The following DIPK1B variants were observed in gnomAD, a reference collection of about 807,000 sequenced individuals.
DIPK1B encodes the protein divergent protein kinase domain 1B.
In DIPK1B, 17 loss-of-function variants were observed where a neutral mutation model predicts 20.7. The observed-to-expected ratio is 0.82, with a 90% CI of 0.56 to 1.23. The LOEUF (loss-of-function observed/expected upper bound fraction) is 1.23. Among genes scored for constraint, DIPK1B ranks in the 50% most tolerant of loss-of-function variants. The pLI is 0.00. For missense variants in DIPK1B, 648 were observed against 601.8 expected (o/e 1.08, Z -0.80); for synonymous variants, 343 against 276.5 (o/e 1.24, Z -2.39).
At chr9:136,715,780 C>A (rs1846488041) in intron 1 of DIPK1B, among the ~76,000 whole-genome samples, 1 of 152,132 alleles carries the variant, frequency 6.6e-6, no homozygotes, top group South Asian at 2.1e-4. Context: ...TCCCAAAGTT[C>A]TGGGATTACA....
Position 136,723,115 on chromosome 9 carries a change from CAGG to C in DIPK1B, c.640_642del (p.Glu214del), listed in dbSNP as rs747935587. The C allele has an allele frequency of 7.3e-5, 118 of 1,613,600 alleles. No homozygotes were observed. In the East Asian group the frequency reaches 1.8e-3, roughly 24 times the overall value. ...CGAGTTCCTGCTGCTGCTGTCCCTG[CAGG>C]AGAAGGAGCACGCCTCCAGACTGCT... On this transcript the variant is annotated inframe_deletion, in exon 5 of 5. Coordinates refer to ENST00000371692, the MANE Select transcript of DIPK1B (RefSeq NM_152421.4).
rs1846650760 is a variant in DIPK1B at position 136,723,456 on chromosome 9, C to T, written c.978C>T (p.Arg326=). ...LQQVAPEATV[R]RFLQGRRCEH... is the part of the protein sequence containing the mutation. ...AGGTGGCACCCGAGGCCACCGTGCG[C>T]CGCTTCCTGCAGGGCCGCCGCTGCG... The change falls in exon 5 of 5, where the codon CGC becomes CGT. Residue 326 remains arginine, a synonymous_variant. Transcript: ENST00000371692. 6.2e-7 allele frequency: 1 copy of T among 1,611,116 alleles called. No individual in the cohort carries two copies. The highest frequency in any genetic ancestry group is 8.5e-7 in the Non-Finnish European group (1 of 1,179,134).
intron 2 of DIPK1B, 52 bp from the exon 3 acceptor site, chr9:136,721,853 GTGGGCAGGGGCTCAGT>G (rs1290523996): frequency 9.6e-6 from 14 of 1,463,114 alleles, no homozygotes; most frequent in Middle Eastern, 2.4e-4. Flanking sequence ...CTTCGGGCCT[GTGGGCAGGGGCTCAGT>G]GGGGCAGGGG....
chr9:136,717,889 G>C (rs1214369530), intron 2 of DIPK1B, among the ~76,000 whole-genome samples, 178 bp downstream of exon 2: 1 of 151,866 alleles, frequency 6.6e-6, no homozygotes, highest in African/African-American at 2.4e-5. Context: ...GGGTCCAGGG[G>C]AGGACGGGGG....
chr9:136,720,477 C>G (rs4880132), intron 2 of DIPK1B, among the ~76,000 whole-genome samples: 83,849 of 149,180 alleles, frequency 0.56, 24,477 homozygotes, highest in East Asian at 0.81. Context: ...TTCTCCCCCC[C>G]CCAGAGGGGC....
At chr9:136,720,266 C>A (rs1302157606) in intron 2 of DIPK1B, among the ~76,000 whole-genome samples, 2 of 152,186 alleles carry the variant, frequency 1.3e-5, no homozygotes, top group Non-Finnish European at 2.9e-5. Flanking sequence ...GGGACAGACG[C>A]TGCCTTCATG....
chr9:136,718,971 G>A, intron 2 of DIPK1B, among the ~76,000 whole-genome samples: 1 of 152,112 alleles, frequency 6.6e-6, no homozygotes, highest in Non-Finnish European at 1.5e-5. Flanking sequence ...CCTGGACCAG[G>A]CCTTGCTCAC....
In DIPK1B at chr9:136,723,478, T is replaced by C. The variant is rs745624797; in HGVS notation, c.1000T>C (p.Cys334Arg). ...GCGCCGCTTCCTGCAGGGCCGCCGCTGCGAGCACAGCACCGACTGCACCTA... is the reference window on the plus strand; with the variant it reads ...GCGCCGCTTCCTGCAGGGCCGCCGCCGCGAGCACAGCACCGACTGCACCTA... ...TVRRFLQGRR[C>R]EHSTDCTYGR... is the part of the protein sequence containing the mutation. The change falls in exon 5 of 5, where the codon TGC (cysteine) becomes CGC (arginine). Residue 334 changes from cysteine (C) to arginine (R), a missense_variant. By Grantham distance (180) the Cys-to-Arg change is radical (BLOSUM62 -3). Coordinates refer to ENST00000371692, the MANE Select transcript of DIPK1B (RefSeq NM_152421.4). The C allele has an allele frequency of 1.2e-6, 2 of 1,610,516 alleles. No homozygotes were observed. The highest frequency in any genetic ancestry group is 1.7e-6 in the Non-Finnish European group (2 of 1,178,674).
intron 1 of DIPK1B, among the ~76,000 whole-genome samples, chr9:136,713,090 G>T (rs535629246): frequency 6.6e-6 from 1 of 152,226 alleles, no homozygotes; most frequent in South Asian, 2.1e-4. Flanking sequence ...GCACAGAAAC[G>T]CCCTGGCAAG....
Position 136,717,607 on chromosome 9 carries a change from A to C in DIPK1B, c.94A>C (p.Ile32Leu). ...GCTCCCAGGCCTCAGGGTCCGCTGC[A>C]TCTTCCTGGCCTGGCTGGGCGTCTT... ...GRLPGLRVRC[I>L]FLAWLGVFAG... Residue 32 changes from isoleucine (I) to leucine (L), a missense_variant, in exon 2 of 5, where the codon ATC becomes CTC. Coordinates refer to ENST00000371692, the MANE Select transcript of DIPK1B (RefSeq NM_152421.4). 1 of 1,602,556 alleles carries C rather than the reference A, an allele frequency of 6.2e-7. No individual in the cohort carries two copies. The highest frequency in any genetic ancestry group is 8.5e-7 in the Non-Finnish European group (1 of 1,179,872).
chr9:136,722,791 C>T (rs921055705), intron 4 of DIPK1B, 171 bp from the exon 5 acceptor site: 2 of 660,664 alleles, frequency 3.0e-6, no homozygotes, highest in African/African-American at 3.8e-5. Context: ...TGAGCTGACA[C>T]ATTGCTGGCT....
chr9:136,719,110 G>T (rs1017116302), intron 2 of DIPK1B, among the ~76,000 whole-genome samples: 2 of 151,732 alleles, frequency 1.3e-5, no homozygotes, highest in African/African-American at 2.4e-5. Flanking sequence ...GAAGGACCAA[G>T]GAGGTGGAGG....
chr9:136,713,551 C>T (rs1038427989), intron 1 of DIPK1B, among the ~76,000 whole-genome samples: 2 of 152,232 alleles, frequency 1.3e-5, no homozygotes, highest in African/African-American at 4.8e-5. Flanking sequence ...GCAGCGAGAC[C>T]CTCTGTGCCC....
Position 136,723,279 on chromosome 9 carries a change from G to A in DIPK1B, c.801G>A (p.Ala267=), listed in dbSNP as rs112780986. Residue 267 remains alanine, a synonymous_variant, in exon 5 of 5, where the codon GCG becomes GCA. Transcript: ENST00000371692. ...CTCTCCAGCAGTGGCTGGGGCCTGC[G>A]TGGCCTTGGCGGGCCAAGATCGCCA... ...QGALQQWLGP[A]WPWRAKIAIG... 7.9e-5 allele frequency: 128 copies of A among 1,612,564 alleles called. 1 individual carries two copies. The highest frequency in any genetic ancestry group is 7.0e-4 in the South Asian group (64 of 91,072).
chr9:136,712,694 TG>T lies in DIPK1B; in HGVS notation c.31del (p.Val11CysfsTer103), dbSNP rs768584225. 2.2e-6 allele frequency: 3 copies of T among 1,345,602 alleles called. No individual in the cohort carries two copies. In the South Asian group the frequency reaches 5.4e-5, roughly 24 times the overall value. 83.4% of individuals were successfully genotyped at this position (1,345,602 alleles called of 1,614,324 possible). Reference sequence around the variant, plus strand: ...CGGCGGCTGCGGCGCCTGGCGCACCTGGTGCTCTTCTGCCCCTTCTCCAAGC... The same window carrying T: ...CGGCGGCTGCGGCGCCTGGCGCACCTGTGCTCTTCTGCCCCTTCTCCAAGC... MRRLRRLAH[L>X]VLFCPFSKRL... On this transcript the variant is annotated frameshift_variant, in exon 1 of 5. Coordinates refer to ENST00000371692, the MANE Select transcript of DIPK1B (RefSeq NM_152421.4). LOFTEE classifies it high-confidence loss of function. This position sits in a 1 kb window ranked among gnomAD's most constrained non-coding sequence, Gnocchi z 5.6.
chr9:136,719,675 C>CT (rs1846560549), intron 2 of DIPK1B, among the ~76,000 whole-genome samples: 1 of 152,240 alleles, frequency 6.6e-6, no homozygotes, highest in African/African-American at 2.4e-5. Context: ...TCTCCACACT[C>CT]TGCTAGGTGC....
chr9:136,721,143 T>G (rs1846593063), intron 2 of DIPK1B: 1 of 152,302 alleles, frequency 6.6e-6, no homozygotes. Flanking sequence ...GACACCCAGC[T>G]GTTTGCCCTG....
At chr9:136,722,635 G>A (rs913638640) in intron 4 of DIPK1B, 10 of 562,508 alleles carry the variant, frequency 1.8e-5, no homozygotes, top group East Asian at 3.0e-5. Context: ...CAGCCAGTGC[G>A]TGCCCTCTGC....
chr9:136,719,391 C>T (rs1306276732), intron 2 of DIPK1B, among the ~76,000 whole-genome samples: 4 of 152,220 alleles, frequency 2.6e-5, no homozygotes, highest in African/African-American at 4.8e-5. Flanking sequence ...TGGAGACGTC[C>T]CCTCCTTCCC....
Sources: gnomAD v4.1 joint callset for allele counts (sites outside exome capture counted in the v4.1 genomes callset) on GRCh38, gnomAD v4.1.1 for gene constraint, Gnocchi (gnomAD v3.1) non-coding constraint, MANE v1.5 for transcripts, NCBI Gene and HGNC (gene_info 2026-07-23, HGNC 2026-07-21) for gene names.